Variants in CCDC178 observed in about 807,000 individuals in gnomAD.
CCDC178 encodes the protein coiled-coil domain-containing protein 178.
In CCDC178, 126 loss-of-function variants were observed where a neutral mutation model predicts 117.4. The ratio of observed to expected loss-of-function variants is 1.07; its 90% confidence interval spans 0.93 to 1.24. The LOEUF (loss-of-function observed/expected upper bound fraction) is 1.24, where lower values mean the gene tolerates loss of function less well. Ranked by LOEUF, CCDC178 falls within the 50% of genes most tolerant of loss-of-function variation. CCDC178 has a pLI of 0.00. For missense variants in CCDC178, 1,030 were observed against 986.9 expected, an observed-to-expected ratio of 1.04 and a Z score of -0.59; for synonymous variants, 283 against 313.4, an observed-to-expected ratio of 0.90 and a Z score of 1.02.
chr18:33,211,826 C>T, intron 20 of CCDC178, 70 bp downstream of exon 20: 1 of 1,308,966 alleles, frequency 7.6e-7, no homozygotes, highest in Non-Finnish European at 1.1e-6. Flanking sequence ...TAAAAATTGT[C>T]TCAAACTAGC....
chr18:33,305,323 C>G (rs142127781), intron 11 of CCDC178, among the ~76,000 whole-genome samples: 2 of 152,118 alleles, frequency 1.3e-5, no homozygotes, highest in African/African-American at 4.8e-5. Flanking sequence ...TAAGCAGGCA[C>G]GCAAAGGGTT....
intron 21 of CCDC178, among the ~76,000 whole-genome samples, chr18:33,046,835 G>T (rs529790314): frequency 6.6e-6 from 1 of 152,224 alleles, no homozygotes; most frequent in East Asian, 1.9e-4. Flanking sequence ...CCTGACTATT[G>T]AAAGAAAAAT....
intron 12 of CCDC178, among the ~76,000 whole-genome samples, chr18:33,288,651 T>C (rs2060131205): frequency 6.6e-6 from 1 of 151,938 alleles, no homozygotes; most frequent in Non-Finnish European, 1.5e-5. Flanking sequence ...CACAGTGTTA[T>C]AAGCGCCAGC....
At chr18:33,084,718 A>T (rs2057350124) in intron 21 of CCDC178, among the ~76,000 whole-genome samples, 1 of 151,824 alleles carries the variant, frequency 6.6e-6, no homozygotes, top group Non-Finnish European at 1.5e-5. Context: ...AGGCTGAGGC[A>T]GGAGAATTGC....
intron 8 of CCDC178, 63 bp from the exon 9 acceptor site, chr18:33,346,474 C>A: frequency 1.1e-6 from 1 of 946,416 alleles, no homozygotes; most frequent in South Asian, 1.6e-5. Context: ...ATGATGGGAA[C>A]ATGGGCCTTA....
At chr18:32,972,455 T>C (rs774335948) in intron 22 of CCDC178, among the ~76,000 whole-genome samples, 5 of 152,196 alleles carry the variant, frequency 3.3e-5, no homozygotes, top group Non-Finnish European at 5.9e-5. Context: ...AGTAGCATGA[T>C]GCCTCCAGTT....
chr18:33,113,575 C>A (rs156186), intron 20 of CCDC178, among the ~76,000 whole-genome samples: 1 of 151,832 alleles, frequency 6.6e-6, no homozygotes, highest in East Asian at 1.9e-4. Context: ...TGGAAGAGCA[C>A]CTGCAATTAC....
In CCDC178 at chr18:33,254,327, A is replaced by C. The variant is rs2059653702; in HGVS notation, c.1410-8899T>G. On this transcript the variant is annotated intron_variant, in intron 14 of 22. Transcript: ENST00000383096. ...ATACATATAATGAAGGCAATTAAGC[A>C]GCTCAGGCCAGACAGGAAGCAACAA... is the stretch of plus-strand genomic sequence containing the variant. 4.0e-5 allele frequency among the ~76,000 whole-genome samples: 6 copies of C among 150,718 alleles called. No homozygotes were observed. In the South Asian group the frequency reaches 1.3e-3, roughly 32 times the overall value.
chr18:33,247,144 A>G (rs1480363870), intron 14 of CCDC178, among the ~76,000 whole-genome samples: 2 of 151,566 alleles, frequency 1.3e-5, no homozygotes, highest in African/African-American at 4.8e-5. Flanking sequence ...GAGAGAAAAG[A>G]GACCTGCTTA....
chr18:33,194,820 T>C (rs2058906447), intron 20 of CCDC178, among the ~76,000 whole-genome samples: 1 of 149,808 alleles, frequency 6.7e-6, no homozygotes, highest in East Asian at 2.0e-4. Flanking sequence ...TCCCAGAACT[T>C]TGAGAGACTG....
At chr18:33,038,530 T>C (rs899920080) in intron 21 of CCDC178, among the ~76,000 whole-genome samples, 8 of 152,026 alleles carry the variant, frequency 5.3e-5, no homozygotes, top group African/African-American at 1.9e-4. Flanking sequence ...GAATTCCAAG[T>C]GACCTCCTGT....
intron 20 of CCDC178, among the ~76,000 whole-genome samples, chr18:33,179,890 T>G (rs920917778): frequency 6.6e-6 from 1 of 152,034 alleles, no homozygotes; most frequent in African/African-American, 2.4e-5. Context: ...TGGGACAGAT[T>G]TCTTTTTTTA....
rs556844663 is a variant in CCDC178, at chr18:33,134,964, C to A, written c.2239-42054G>T. 3.3e-5 allele frequency among the ~76,000 whole-genome samples: 5 copies of A among 151,690 alleles called. No individual in the cohort carries two copies. The South Asian group carries it at 1.0e-3, about 32-fold the overall frequency. On this transcript the variant is annotated intron_variant, in intron 20 of 22. Transcript: ENST00000383096. The stretch of plus-strand genomic sequence containing the variant: ...TTTGTAGTGATCTAATTCTGTATTT[C>A]ATTGGACCTAAAACTAAATTGATAT...
At chr18:33,343,364 T>C (rs1472825371) in intron 9 of CCDC178, among the ~76,000 whole-genome samples, 3 of 152,240 alleles carry the variant, frequency 2.0e-5, no homozygotes, top group Non-Finnish European at 4.4e-5. Context: ...AAATTCATGA[T>C]GGTAAGCTTA....
At chr18:33,231,940 C>T (rs1018514387) in intron 15 of CCDC178, among the ~76,000 whole-genome samples, 28 of 152,178 alleles carry the variant, frequency 1.8e-4, no homozygotes, top group African/African-American at 6.5e-4. Flanking sequence ...CTGCTGCCTA[C>T]ATTTGCTATT....
At chr18:33,404,004 G>C (rs765867585) in intron 3 of CCDC178, among the ~76,000 whole-genome samples, 11 of 151,904 alleles carry the variant, frequency 7.2e-5, no homozygotes, top group Non-Finnish European at 1.5e-4. Flanking sequence ...CAGAAGGTTT[G>C]GTTTACCACT....
At chr18:33,103,481 TA>T (rs1281451660) in intron 20 of CCDC178, among the ~76,000 whole-genome samples, 1 of 150,888 alleles carries the variant, frequency 6.6e-6, no homozygotes, top group African/African-American at 2.4e-5. Flanking sequence ...GGCCTAAGCA[TA>T]AAAAAACATG....
At chr18:32,993,461 C>A (rs2055436362) in intron 21 of CCDC178, among the ~76,000 whole-genome samples, 1 of 152,170 alleles carries the variant, frequency 6.6e-6, no homozygotes, top group Admixed American at 6.5e-5. Context: ...CTGCCCTGAG[C>A]TGATGCCCTG....
chr18:33,056,026 C>T (rs539138637), intron 21 of CCDC178, among the ~76,000 whole-genome samples: 1 of 152,278 alleles, frequency 6.6e-6, no homozygotes, highest in South Asian at 2.1e-4. Context: ...TGGTCTCAAA[C>T]TCCTGACCTC....
Sources: gnomAD v4.1 joint callset for allele counts (sites outside exome capture counted in the v4.1 genomes callset) on GRCh38, gnomAD v4.1.1 for gene constraint, MANE v1.5 for transcripts, NCBI Gene and HGNC (gene_info 2026-07-23, HGNC 2026-07-21) for gene names.